GLRA2: variants seen among roughly 807,000 people sequenced by gnomAD.
GLRA2 encodes glycine receptor alpha 2.
GLRA2 carries 11 observed loss-of-function variants against 31.6 expected under a neutral mutation model. The observed-to-expected ratio is 0.35, with a 90% CI of 0.22 to 0.58. GLRA2 has a LOEUF of 0.58. GLRA2 is among the 20% of genes least tolerant of loss of function. The probability of loss-of-function intolerance (pLI) is 0.84; values close to 1 mark genes in which losing one functional copy is unlikely to be tolerated. For synonymous variants in GLRA2, 132 were observed against 134.0 expected (o/e 0.99, Z 0.10); for missense variants, 212 against 351.8 (o/e 0.60, Z 3.18).
intron 7 of GLRA2, among the ~76,000 whole-genome samples, chrX:14,645,877 C>G (rs1228579667): frequency 8.9e-6 from 1 of 111,840 alleles, no homozygotes; most frequent in Admixed American, 9.5e-5. Flanking sequence ...CCTCTGTGAG[C>G]TGAGAAGTAT....
intron 4 of GLRA2, among the ~76,000 whole-genome samples, chrX:14,588,892 G>A (rs899540839): frequency 9.0e-6 from 1 of 111,694 alleles, no homozygotes; most frequent in Admixed American, 9.5e-5. Context: ...TGTTATTGGT[G>A]TATAGAAATG....
At chrX:14,684,330 T>C (rs367909724) in intron 7 of GLRA2, among the ~76,000 whole-genome samples, 2 of 111,726 alleles carry the variant, frequency 1.8e-5, no homozygotes, top group Admixed American at 1.9e-4. Flanking sequence ...AACTTTAAAG[T>C]AGTTTTTTCC....
intron 4 of GLRA2, among the ~76,000 whole-genome samples, chrX:14,595,903 TCTC>T (rs2090196816): frequency 8.9e-6 from 1 of 112,240 alleles, no homozygotes; most frequent in African/African-American, 3.2e-5. Flanking sequence ...TAAGTTGTGA[TCTC>T]CTTCAAGAGA....
In GLRA2 at chrX:14,603,081, A is replaced by ATT. The variant is rs58676051; in HGVS notation, c.495-1221_495-1220dup. ...TTTCACCACATCCATGCCAACATCT[A>ATT]TTTTTTTTTTTTTTGACTTTTTTGA... On this transcript the variant is annotated intron_variant, in intron 4 of 8. Coordinates refer to ENST00000218075, the MANE Select transcript of GLRA2 (RefSeq NM_002063.4). 4.4e-3 allele frequency among the ~76,000 whole-genome samples: 420 copies of ATT among 96,255 alleles called. 3 individuals are homozygous for ATT. Among genetic ancestry groups the ATT allele is most frequent in the South Asian group, 0.015 (33 of 2,140 alleles). The allele number at this position is 96,255 out of a possible 115,157, so 83.6% of individuals were successfully genotyped here.
At chrX:14,628,970 A>G (rs1427745130) in intron 7 of GLRA2, among the ~76,000 whole-genome samples, 2 of 111,894 alleles carry the variant, frequency 1.8e-5, no homozygotes, top group Admixed American at 9.5e-5. Context: ...AGCTACAGCT[A>G]TAACAAGGGA....
At chrX:14,449,863 G>A in the GLRA2 span, among the ~76,000 whole-genome samples, 1 of 111,744 alleles carries the variant, frequency 8.9e-6, no homozygotes, top group Non-Finnish European at 1.9e-5. Flanking sequence ...GGGGAGGAGC[G>A]CCCAGTTTCA....
intron 7 of GLRA2, among the ~76,000 whole-genome samples, chrX:14,666,669 G>A (rs1280381856): frequency 8.9e-6 from 1 of 112,047 alleles, no homozygotes; most frequent in Non-Finnish European, 1.9e-5. Context: ...ACATGTTTGA[G>A]CATTTACAAG....
intron 7 of GLRA2, among the ~76,000 whole-genome samples, chrX:14,615,527 G>T (rs915197274): frequency 7.2e-5 from 8 of 110,987 alleles, no homozygotes; most frequent in African/African-American, 2.6e-4. Flanking sequence ...AGGGAAGAAT[G>T]GGTGGGTGAA....
chrX:14,545,264 A>T (rs1569490746), intron 2 of GLRA2, among the ~76,000 whole-genome samples: 1 of 111,439 alleles, frequency 9.0e-6, no homozygotes, highest in South Asian at 3.8e-4. Context: ...AGGAGTCTGC[A>T]TCTGGCGAGG....
Position 14,730,355 on chromosome X carries a change from A to T in GLRA2, c.1229A>T (p.Lys410Met). Reference sequence around the variant, plus strand: ...AAAGATGGAGATGCTATCAAGAAGAAGTTTGTGGACCGGGCAAAAAGGATT... The same window carrying T: ...AAAGATGGAGATGCTATCAAGAAGATGTTTGTGGACCGGGCAAAAAGGATT... Reference protein sequence around the residue: ...PPKDGDAIKKKFVDRAKRIDT... With the variant: ...PPKDGDAIKKMFVDRAKRIDT... Residue 410 changes from lysine to methionine, a missense_variant, in exon 9 of 9, where the codon AAG (lysine) becomes ATG (methionine). Coordinates refer to ENST00000218075, the MANE Select transcript of GLRA2 (RefSeq NM_002063.4). The T allele has an allele frequency of 8.3e-7, 1 of 1,211,152 alleles. No individual in the cohort carries two copies. Among genetic ancestry groups the T allele is most frequent in the South Asian group, 1.8e-5 (1 of 56,959 alleles).
intron 7 of GLRA2, among the ~76,000 whole-genome samples, chrX:14,610,299 TGGA>T (rs2090384212): frequency 8.9e-6 from 1 of 112,010 alleles, no homozygotes; most frequent in Non-Finnish European, 1.9e-5. Flanking sequence ...AGATGACATA[TGGA>T]GGAGGTCTGT....
chrX:14,485,261 C>T, the GLRA2 span, among the ~76,000 whole-genome samples: 1 of 112,216 alleles, frequency 8.9e-6, no homozygotes, highest in Non-Finnish European at 1.9e-5. Flanking sequence ...CTAGGTTGCC[C>T]TTTATATCCA....
chrX:14,574,095 G>A, intron 2 of GLRA2, among the ~76,000 whole-genome samples: 1 of 112,018 alleles, frequency 8.9e-6, no homozygotes, highest in African/African-American at 3.2e-5. Context: ...CAGTTCAATA[G>A]TTTTCAGCTT....
chrX:14,523,793 C>T, the GLRA2 span, among the ~76,000 whole-genome samples: 1 of 111,033 alleles, frequency 9.0e-6, no homozygotes, highest in Non-Finnish European at 1.9e-5. Flanking sequence ...TCATGGTGCC[C>T]CCAAACAATT....
the GLRA2 span, among the ~76,000 whole-genome samples, chrX:14,511,782 A>T: frequency 2.1e-4 from 23 of 111,946 alleles, 1 homozygote; most frequent in African/African-American, 7.4e-4. Context: ...ACTTACATTT[A>T]TTGGAGTCTT....
intron 7 of GLRA2, among the ~76,000 whole-genome samples, chrX:14,681,910 A>AAAAAAAAATATATATATAT (rs758563376): frequency 2.4e-5 from 1 of 41,294 alleles, no homozygotes; most frequent in African/African-American, 1.2e-4. Context: ...AAAAAAAAAA[A>AAAAAAAAATATATATATAT]ATATATATAT....
At chrX:14,548,283 G>A (rs1396206338) in intron 2 of GLRA2, among the ~76,000 whole-genome samples, 1 of 110,967 alleles carries the variant, frequency 9.0e-6, no homozygotes, top group Non-Finnish European at 1.9e-5. Context: ...ATGACAACAG[G>A]GACACTCATT....
intron 8 of GLRA2, among the ~76,000 whole-genome samples, chrX:14,713,231 C>T (rs1428024934): frequency 8.9e-6 from 1 of 111,898 alleles, no homozygotes; most frequent in Non-Finnish European, 1.9e-5. Context: ...GGGTTCATCC[C>T]CTAATCACCT....
At chrX:14,472,675 T>C in the GLRA2 span, among the ~76,000 whole-genome samples, 6 of 111,825 alleles carry the variant, frequency 5.4e-5, no homozygotes, top group Non-Finnish European at 9.4e-5. Context: ...AATAATGGCT[T>C]CCAGCTCCTG....
Sources: allele counts gnomAD v4.1 joint callset (sites outside exome capture counted in the v4.1 genomes callset), GRCh38; gene constraint gnomAD v4.1.1; transcripts MANE v1.5; gene names NCBI Gene and HGNC (gene_info 2026-07-23, HGNC 2026-07-21).